Variants in CDH18 observed in about 807,000 individuals in gnomAD.
The protein encoded by CDH18 is cadherin 18.
A neutral mutation model predicts 67.9 loss-of-function variants in CDH18; 31 were observed. The observed-to-expected ratio is 0.46, with a 90% CI of 0.34 to 0.62. The LOEUF is 0.62. Among genes scored for constraint, CDH18 ranks in the 20% least tolerant of loss-of-function variants. The pLI, the probability that CDH18 is intolerant of heterozygous loss-of-function variation, is 0.01. For synonymous variants in CDH18, 362 were observed against 347.2 expected (o/e 1.04, Z -0.48); for missense variants, 890 against 975.5 (o/e 0.91, Z 1.17).
At chr5:20,398,948 A>G (rs1745533154) in intron 1 of CDH18, among the ~76,000 whole-genome samples, 1 of 148,248 alleles carries the variant, frequency 6.7e-6, no homozygotes, top group Non-Finnish European at 1.5e-5. Context: ...TACATAGAAA[A>G]CCACCATGGC....
chr5:19,789,520 T>A (rs1776145205), intron 3 of CDH18, among the ~76,000 whole-genome samples: 3 of 152,048 alleles, frequency 2.0e-5, no homozygotes, highest in Admixed American at 2.0e-4. Flanking sequence ...GAAAAATAAG[T>A]CAATAGAACT....
intron 3 of CDH18, among the ~76,000 whole-genome samples, chr5:19,813,788 A>G (rs1396243642): frequency 6.6e-6 from 1 of 152,140 alleles, no homozygotes; most frequent in African/African-American, 2.4e-5. Flanking sequence ...ATTTAATTCT[A>G]TTTCAAAACT....
At chr5:20,560,186 A>T (rs2126643813) in intron 1 of CDH18, among the ~76,000 whole-genome samples, 1 of 152,218 alleles carries the variant, frequency 6.6e-6, no homozygotes, top group East Asian at 1.9e-4. Flanking sequence ...CTTATTTGAC[A>T]GGGATAATTT....
At chr5:20,335,925 A>T (rs1739682759) in intron 1 of CDH18, among the ~76,000 whole-genome samples, 1 of 152,224 alleles carries the variant, frequency 6.6e-6, no homozygotes, top group Non-Finnish European at 1.5e-5. Flanking sequence ...ACTTTTAACA[A>T]AACTTGGTCT....
At chr5:20,561,988 C>A (rs1323309549) in intron 1 of CDH18, among the ~76,000 whole-genome samples, 2 of 151,608 alleles carry the variant, frequency 1.3e-5, no homozygotes, top group African/African-American at 4.8e-5. Context: ...AGTTCCAAAT[C>A]AAATAGGCTA....
At chr5:19,644,536 G>C (rs1754462917) in intron 5 of CDH18, among the ~76,000 whole-genome samples, 2 of 152,188 alleles carry the variant, frequency 1.3e-5, no homozygotes, top group South Asian at 2.1e-4. Flanking sequence ...GGGAACAGTT[G>C]TTCCTTCCCC....
intron 2 of CDH18, among the ~76,000 whole-genome samples, chr5:20,008,958 T>C (rs1037027005): frequency 1.3e-5 from 2 of 152,090 alleles, no homozygotes; most frequent in African/African-American, 4.8e-5. Flanking sequence ...AGGAATAGAA[T>C]CATTTCCTCC....
intron 2 of CDH18, among the ~76,000 whole-genome samples, chr5:20,125,063 T>G (rs1580299250): frequency 6.6e-6 from 1 of 152,222 alleles, no homozygotes; most frequent in Non-Finnish European, 1.5e-5. Flanking sequence ...CTACATTGAA[T>G]TTTTAAAGTT....
chr5:19,763,339 T>A (rs1772623773), intron 3 of CDH18, among the ~76,000 whole-genome samples: 1 of 152,152 alleles, frequency 6.6e-6, no homozygotes, highest in African/African-American at 2.4e-5. Context: ...AATTATCCAA[T>A]CAGAAATATA....
intron 2 of CDH18, among the ~76,000 whole-genome samples, chr5:19,858,081 A>G (rs770403821): frequency 6.6e-6 from 1 of 152,082 alleles, no homozygotes; most frequent in Non-Finnish European, 1.5e-5. Flanking sequence ...GATATATGAT[A>G]ATGTTAACTC....
At chr5:19,549,222 G>T (rs1736896461) in intron 8 of CDH18, among the ~76,000 whole-genome samples, 1 of 152,080 alleles carries the variant, frequency 6.6e-6, no homozygotes, top group African/African-American at 2.4e-5. Flanking sequence ...CCATCCACTT[G>T]GTGTTAAGTG....
At position 19,962,395 on chromosome 5, in the gene CDH18, A is replaced by AAAAAAAAT. The variant is rs58319680; in HGVS notation, c.-257+18664_-257+18665insATTTTTTT. ...TCAAAAAGCAAAAAAAAAAAAAAAA[A>AAAAAAAAT]AGAAAATTCAATTCCTTTAAGAATA... On this transcript the variant is annotated intron_variant, in intron 2 of 12. Coordinates refer to ENST00000382275, the MANE Select transcript of CDH18 (RefSeq NM_004934.5). 1.1e-3 allele frequency among the ~76,000 whole-genome samples: 127 copies of AAAAAAAAT among 117,018 alleles called. 5 individuals carry two copies. Among genetic ancestry groups the AAAAAAAAT allele is most frequent in the African/African-American group, 1.9e-3 (60 of 31,720 alleles). 76.8% of individuals were successfully genotyped at this position (117,018 alleles called of 152,430 possible). A position where few individuals can be genotyped will look rare whatever the true frequency, so the allele number is the denominator to read the frequency against.
intron 2 of CDH18, among the ~76,000 whole-genome samples, chr5:20,096,089 A>G (rs573216577): frequency 6.6e-6 from 1 of 152,238 alleles, no homozygotes; most frequent in South Asian, 2.1e-4. Flanking sequence ...ATAATTTAAG[A>G]GATATTGACT....
At chr5:19,688,595 T>C (rs1181193579) in intron 5 of CDH18, among the ~76,000 whole-genome samples, 2 of 152,034 alleles carry the variant, frequency 1.3e-5, no homozygotes, top group South Asian at 2.1e-4. Flanking sequence ...TTACACCATA[T>C]GCACAAATAA....
At chr5:20,006,397 C>T (rs1736907603) in intron 2 of CDH18, among the ~76,000 whole-genome samples, 1 of 151,822 alleles carries the variant, frequency 6.6e-6, no homozygotes, top group Non-Finnish European at 1.5e-5. Context: ...ATAGGAATTA[C>T]TTTAGGGAAT....
At chr5:19,615,250 T>C (rs1290584943) in intron 5 of CDH18, among the ~76,000 whole-genome samples, 1 of 152,112 alleles carries the variant, frequency 6.6e-6, no homozygotes, top group Non-Finnish European at 1.5e-5. Context: ...CAGAAAGTGT[T>C]ACAGCCAAAT....
upstream of CDH18, among the ~76,000 whole-genome samples, chr5:19,990,626 A>G (rs146805926): frequency 1.3e-3 from 197 of 152,298 alleles, no homozygotes; most frequent in Admixed American, 2.2e-3. Flanking sequence ...ATTCTCCACA[A>G]TCCCAATGAT....
At position 20,148,154 on chromosome 5, in the gene CDH18, C is replaced by A. The variant is rs181594476; in HGVS notation, c.-518+107290G>T. 1.5e-3 allele frequency among the ~76,000 whole-genome samples: 221 copies of A among 150,580 alleles called. 2 individuals are homozygous for A. The East Asian group carries it at 0.032, about 22-fold the overall frequency. On this transcript the variant is annotated intron_variant, in intron 2 of 14. Coordinates refer to the CDH18 transcript ENST00000507958. ...TCACCCAGGATGGAGTGTAGCGGTGCGATCTTGGCTCACTGCAAGCTCCGC... is the reference window on the plus strand; with the variant it reads ...TCACCCAGGATGGAGTGTAGCGGTGAGATCTTGGCTCACTGCAAGCTCCGC...
chr5:20,154,902 T>C (rs1412878920), intron 2 of CDH18, among the ~76,000 whole-genome samples: 1 of 152,152 alleles, frequency 6.6e-6, no homozygotes, highest in Non-Finnish European at 1.5e-5. Context: ...ATGTTTTTCT[T>C]GCTCTTCTGC....
Sources: allele counts gnomAD v4.1 joint callset (sites outside exome capture counted in the v4.1 genomes callset), GRCh38; gene constraint gnomAD v4.1.1; transcripts MANE v1.5; gene names NCBI Gene and HGNC (gene_info 2026-07-23, HGNC 2026-07-21).